EXT1: variants seen among roughly 807,000 people sequenced by gnomAD.
The protein encoded by EXT1 is exostosin-1.
In EXT1, 20 loss-of-function variants were observed where a neutral mutation model predicts 82.5. That is an observed-to-expected ratio of 0.24 (90% CI 0.17 to 0.35). EXT1 has a LOEUF of 0.35. Ranked by LOEUF, EXT1 falls within the 10% of genes least tolerant of loss-of-function variation. The probability of loss-of-function intolerance (pLI) is 1.00; values close to 1 mark genes in which losing one functional copy is unlikely to be tolerated. For missense variants in EXT1, 757 were observed against 936.5 expected, an observed-to-expected ratio of 0.81 and a Z score of 2.50; for synonymous variants, 348 against 350.8, an observed-to-expected ratio of 0.99 and a Z score of 0.09.
chr8:117,861,347 A>G (rs973856973), intron 1 of EXT1, among the ~76,000 whole-genome samples: 1 of 152,244 alleles, frequency 6.6e-6, no homozygotes, highest in Non-Finnish European at 1.5e-5. Context: ...TTATTTTAAA[A>G]TAATTATGTT....
At chr8:118,020,903 C>T (rs1489246277) in intron 1 of EXT1, among the ~76,000 whole-genome samples, 2 of 152,190 alleles carry the variant, frequency 1.3e-5, no homozygotes, top group African/African-American at 2.4e-5. Flanking sequence ...AAAAGTACTT[C>T]GCAAATTCTT....
At chr8:117,840,744 G>A (rs1812262829) in intron 1 of EXT1, among the ~76,000 whole-genome samples, 1 of 152,026 alleles carries the variant, frequency 6.6e-6, no homozygotes, top group Non-Finnish European at 1.5e-5. Flanking sequence ...CTTTAAAAGA[G>A]GCTAAGGATT....
chr8:118,052,286 T>C (rs535525895), intron 1 of EXT1, among the ~76,000 whole-genome samples: 79 of 152,364 alleles, frequency 5.2e-4, no homozygotes, highest in African/African-American at 1.8e-3. Context: ...CTTAAAACAT[T>C]TCCTCATAAT....
intron 1 of EXT1, among the ~76,000 whole-genome samples, chr8:118,073,153 C>T (rs971374375): frequency 2.0e-5 from 3 of 152,198 alleles, no homozygotes; most frequent in African/African-American, 7.2e-5. Flanking sequence ...AATATATTCA[C>T]TTAGTAGCCC....
chr8:117,839,124 T>C (rs938959683), intron 1 of EXT1, among the ~76,000 whole-genome samples: 6 of 152,194 alleles, frequency 3.9e-5, no homozygotes, highest in Admixed American at 6.5e-5. Context: ...TTTGCTGATA[T>C]AGCAAGTAAG....
intron 1 of EXT1, among the ~76,000 whole-genome samples, chr8:118,083,182 T>C (rs895235529): frequency 8.5e-5 from 13 of 152,220 alleles, no homozygotes; most frequent in African/African-American, 2.9e-4. Context: ...TTAGCTAAAC[T>C]CTGGTCTTGA....
At chr8:117,923,287 C>T (rs549533407) in intron 1 of EXT1, among the ~76,000 whole-genome samples, 1 of 152,140 alleles carries the variant, frequency 6.6e-6, no homozygotes, top group South Asian at 2.1e-4. Context: ...TACCACTGCA[C>T]TCCAGCCTGG....
At chr8:117,891,143 T>G (rs556271419) in intron 1 of EXT1, among the ~76,000 whole-genome samples, 1 of 152,356 alleles carries the variant, frequency 6.6e-6, no homozygotes, top group Admixed American at 6.5e-5. Flanking sequence ...TTCCTGAGCT[T>G]TGTACACAAG....
At chr8:117,921,068 A>G (rs746855224) in intron 1 of EXT1, among the ~76,000 whole-genome samples, 11 of 152,298 alleles carry the variant, frequency 7.2e-5, no homozygotes, top group Middle Eastern at 3.4e-3. Flanking sequence ...TGGTTTTTAT[A>G]TTCCTTTCTC....
chr8:117,846,509 C>T (rs1266022320), intron 1 of EXT1, among the ~76,000 whole-genome samples: 2 of 152,010 alleles, frequency 1.3e-5, no homozygotes, highest in East Asian at 1.9e-4. Context: ...CAAAACAAAA[C>T]GTTTTTGAAA....
At chr8:117,935,321 C>CTTT (rs3049789) in intron 1 of EXT1, among the ~76,000 whole-genome samples, 1 of 124,004 alleles carries the variant, frequency 8.1e-6, no homozygotes. Context: ...TTATCTATCA[C>CTTT]TTTTTTTTTT....
At chr8:118,059,864 A>C (rs1816855651) in intron 1 of EXT1, among the ~76,000 whole-genome samples, 1 of 152,202 alleles carries the variant, frequency 6.6e-6, no homozygotes, top group Non-Finnish European at 1.5e-5. Flanking sequence ...AAAAGACCTC[A>C]ATGCATAGCC....
chr8:117,812,827 CT>C, intron 8 of EXT1, 44 bp downstream of exon 8: 1 of 1,525,530 alleles, frequency 6.6e-7, no homozygotes, highest in Non-Finnish European at 9.1e-7. Context: ...CATGAGGTGA[CT>C]GCCTGAACAG....
At chr8:117,981,227 A>C (rs1815196041) in intron 1 of EXT1, among the ~76,000 whole-genome samples, 2 of 152,192 alleles carry the variant, frequency 1.3e-5, no homozygotes, top group Non-Finnish European at 2.9e-5. Context: ...TTTACTGTTT[A>C]TATTTTTAAG....
At chr8:117,914,992 C>T (rs1813719908) in intron 1 of EXT1, among the ~76,000 whole-genome samples, 1 of 152,160 alleles carries the variant, frequency 6.6e-6, no homozygotes, top group Non-Finnish European at 1.5e-5. Context: ...ACTCCCTGTT[C>T]TTACACCCTC....
intron 1 of EXT1, among the ~76,000 whole-genome samples, chr8:118,099,088 A>G (rs540907328): frequency 5.4e-4 from 83 of 152,354 alleles, no homozygotes; most frequent in African/African-American, 1.9e-3. Context: ...AGTGAACACA[A>G]ATGATGTTTC....
At chr8:117,865,745 G>T (rs993327040) in intron 1 of EXT1, among the ~76,000 whole-genome samples, 2 of 152,092 alleles carry the variant, frequency 1.3e-5, no homozygotes, top group African/African-American at 4.8e-5. Flanking sequence ...AAATAACCAG[G>T]TGTCTTCACA....
chr8:117,823,683 A>G (rs1811961492), intron 4 of EXT1, among the ~76,000 whole-genome samples: 1 of 152,168 alleles, frequency 6.6e-6, no homozygotes, highest in South Asian at 2.1e-4. Context: ...GTGACTAGAT[A>G]AGTAATAAAG....
chr8:117,937,082 C>T (rs992600390), intron 1 of EXT1, among the ~76,000 whole-genome samples: 3 of 152,138 alleles, frequency 2.0e-5, no homozygotes, highest in Middle Eastern at 3.2e-3. Flanking sequence ...ACTTCCCCTG[C>T]CCAATATCCC....
Sources: allele counts gnomAD v4.1 joint callset (sites outside exome capture counted in the v4.1 genomes callset), GRCh38; gene constraint gnomAD v4.1.1; transcripts MANE v1.5; gene names NCBI Gene and HGNC (gene_info 2026-07-23, HGNC 2026-07-21).